Variants in EPHA6 observed in about 807,000 individuals in gnomAD.
EPHA6 encodes EPH receptor A6, also known as ephrin type-A receptor 6.
Under a neutral mutation model 112.0 loss-of-function variants are expected in EPHA6, and 50 were observed. The ratio of observed to expected loss-of-function variants is 0.45; its 90% confidence interval spans 0.36 to 0.56. EPHA6 has a LOEUF of 0.56. EPHA6 is among the 20% of genes least tolerant of loss of function. EPHA6 has a pLI of 0.00. For synonymous variants in EPHA6, 529 were observed against 490.7 expected (o/e 1.08, Z -1.03); for missense variants, 1,280 against 1,417.4 (o/e 0.90, Z 1.56).
At chr3:96,959,049 T>G (rs1344912433) in intron 2 of EPHA6, among the ~76,000 whole-genome samples, 1 of 152,234 alleles carries the variant, frequency 6.6e-6, no homozygotes, top group East Asian at 1.9e-4. Flanking sequence ...CTGGGTCATT[T>G]GGTAACTCTA....
chr3:96,971,725 A>T (rs1198590993), intron 2 of EPHA6, among the ~76,000 whole-genome samples: 1 of 152,158 alleles, frequency 6.6e-6, no homozygotes. Context: ...ACCCGTGTAC[A>T]TTCAACAACC....
At chr3:97,160,851 G>T (rs1267540600) in intron 3 of EPHA6, among the ~76,000 whole-genome samples, 2 of 152,132 alleles carry the variant, frequency 1.3e-5, no homozygotes, top group Admixed American at 6.5e-5. Context: ...AGGAGCCCTA[G>T]TTCTGTAGCT....
intron 2 of EPHA6, among the ~76,000 whole-genome samples, chr3:96,936,712 A>C (rs1335044984): frequency 3.3e-5 from 5 of 151,998 alleles, no homozygotes; most frequent in Non-Finnish European, 7.4e-5. Flanking sequence ...GCACCCATTA[A>C]CTTGTCATTT....
chr3:96,999,353 G>A (rs942710500), intron 3 of EPHA6, among the ~76,000 whole-genome samples: 6 of 151,954 alleles, frequency 3.9e-5, no homozygotes, highest in African/African-American at 1.4e-4. Flanking sequence ...AGGTAGTTCT[G>A]CTTCATGCAG....
intron 13 of EPHA6, among the ~76,000 whole-genome samples, chr3:97,626,090 A>G (rs1454770353): frequency 6.6e-6 from 1 of 151,796 alleles, no homozygotes; most frequent in Non-Finnish European, 1.5e-5. Context: ...GTAGCAGATC[A>G]TGAAAATGCT....
At chr3:97,137,825 C>A (rs1002452382) in intron 3 of EPHA6, among the ~76,000 whole-genome samples, 1 of 151,728 alleles carries the variant, frequency 6.6e-6, no homozygotes, top group African/African-American at 2.4e-5. Context: ...GCACATGTAC[C>A]CTAGTACTTA....
intron 3 of EPHA6, among the ~76,000 whole-genome samples, chr3:97,087,537 T>C (rs1576463821): frequency 6.6e-6 from 1 of 152,138 alleles, no homozygotes; most frequent in South Asian, 2.1e-4. Context: ...GCTAGGCAGG[T>C]GGGTGTTCAA....
intron 3 of EPHA6, among the ~76,000 whole-genome samples, chr3:97,191,820 G>A (rs1393029210): frequency 1.3e-5 from 2 of 152,124 alleles, no homozygotes; most frequent in Non-Finnish European, 2.9e-5. Context: ...TAGATATACT[G>A]ATTTCCCTTC....
At position 97,140,670 on chromosome 3, in the gene EPHA6, A is replaced by C. The variant is rs545428219; in HGVS notation, c.1115-85594A>C. Among the ~76,000 whole-genome samples, 64 of 152,258 alleles carry C rather than the reference A, an allele frequency of 4.2e-4. 1 individual carries two copies. Among genetic ancestry groups the C allele is most frequent in the Non-Finnish European group, 6.8e-4 (46 of 68,000 alleles). Reference sequence around the variant, plus strand: ...ACTACTAGACTGGCACTACAAGAAGAGCTCAAAGGAATTCTAAACCTAGAA... The same window carrying C: ...ACTACTAGACTGGCACTACAAGAAGCGCTCAAAGGAATTCTAAACCTAGAA... On this transcript the variant is annotated intron_variant, in intron 3 of 17. Transcript: ENST00000389672.
chr3:97,645,835 TTTTCTC>T (rs1420830076), intron 14 of EPHA6, among the ~76,000 whole-genome samples: 1 of 152,142 alleles, frequency 6.6e-6, no homozygotes, highest in Admixed American at 6.5e-5. Context: ...GATTTTGACT[TTTTCTC>T]TTGCTGTGTA....
intron 10 of EPHA6, among the ~76,000 whole-genome samples, chr3:97,511,040 C>G (rs965958389): frequency 5.3e-5 from 8 of 152,274 alleles, no homozygotes; most frequent in South Asian, 2.1e-4. Context: ...CCCCTCCCCC[C>G]CACCAAGCTG....
At chr3:97,275,847 G>A (rs1246685864) in intron 5 of EPHA6, among the ~76,000 whole-genome samples, 1 of 152,046 alleles carries the variant, frequency 6.6e-6, no homozygotes, top group African/African-American at 2.4e-5. Context: ...GATATGACAG[G>A]AGGATGCAAA....
At chr3:97,018,063 T>C (rs1344422353) in intron 3 of EPHA6, among the ~76,000 whole-genome samples, 3 of 151,462 alleles carry the variant, frequency 2.0e-5, no homozygotes, top group Non-Finnish European at 4.4e-5. Context: ...TGATCAAACC[T>C]GCTATTGAAA....
At chr3:97,467,357 A>T (rs922063009) in intron 7 of EPHA6, among the ~76,000 whole-genome samples, 1 of 151,828 alleles carries the variant, frequency 6.6e-6, no homozygotes, top group Non-Finnish European at 1.5e-5. Context: ...TACAGTTCAT[A>T]CAACTTATGA....
chr3:96,952,245 T>A (rs909600544), intron 2 of EPHA6, among the ~76,000 whole-genome samples: 22 of 152,146 alleles, frequency 1.4e-4, no homozygotes, highest in African/African-American at 5.1e-4. Flanking sequence ...CGAATAGCTG[T>A]TTTCTAAACT....
intron 10 of EPHA6, among the ~76,000 whole-genome samples, chr3:97,518,168 A>G (rs964691388): frequency 2.6e-5 from 4 of 152,000 alleles, no homozygotes; most frequent in Non-Finnish European, 5.9e-5. Flanking sequence ...CCTCCATATC[A>G]TTTTCCATAA....
At chr3:96,893,169 G>A (rs1017110336) in intron 2 of EPHA6, among the ~76,000 whole-genome samples, 10 of 152,012 alleles carry the variant, frequency 6.6e-5, no homozygotes, top group East Asian at 1.9e-4. Flanking sequence ...AACCTACTGC[G>A]CTGCTAGTCA....
At chr3:97,604,284 A>G (rs2093664129) in intron 12 of EPHA6, among the ~76,000 whole-genome samples, 2 of 151,848 alleles carry the variant, frequency 1.3e-5, no homozygotes, top group Admixed American at 6.6e-5. Flanking sequence ...TGTGACTCTA[A>G]TCTTACAACT....
At chr3:97,629,491 T>C (rs1483793343) in intron 13 of EPHA6, among the ~76,000 whole-genome samples, 1 of 151,980 alleles carries the variant, frequency 6.6e-6, no homozygotes, top group Non-Finnish European at 1.5e-5. Context: ...ATAGCATGAG[T>C]ATACCTCTTT....
Sources: allele counts gnomAD v4.1 joint callset (sites outside exome capture counted in the v4.1 genomes callset), GRCh38; gene constraint gnomAD v4.1.1; transcripts MANE v1.5; gene names NCBI Gene and HGNC (gene_info 2026-07-23, HGNC 2026-07-21).